Variants in DPP6 observed in about 807,000 individuals in gnomAD.
DPP6 encodes the protein dipeptidyl peptidase like 6, also known as A-type potassium channel modulatory protein DPP6.
A neutral mutation model predicts 122.6 loss-of-function variants in DPP6; 69 were observed. That is an observed-to-expected ratio of 0.56 (90% CI 0.46 to 0.69). The LOEUF (loss-of-function observed/expected upper bound fraction) is 0.69, where lower values mean the gene tolerates loss of function less well. DPP6 is among the 30% of genes least tolerant of loss of function. The pLI is 0.00. For synonymous variants in DPP6, 418 were observed against 433.1 expected, an observed-to-expected ratio of 0.97 and a Z score of 0.43; for missense variants, 928 against 1,116.9, an observed-to-expected ratio of 0.83 and a Z score of 2.41.
intron 1 of DPP6, among the ~76,000 whole-genome samples, chr7:154,232,721 T>C (rs980195340): frequency 6.6e-6 from 1 of 152,216 alleles, no homozygotes; most frequent in Non-Finnish European, 1.5e-5. Flanking sequence ...TCACACATTC[T>C]ACCTGCGGAG....
chr7:154,406,453 A>ACG, intron 1 of DPP6, among the ~76,000 whole-genome samples: 1 of 137,264 alleles, frequency 7.3e-6, no homozygotes, highest in Non-Finnish European at 1.5e-5. Context: ...ACACACGCAC[A>ACG]CATGCACATG....
At chr7:154,050,807 TTTTA>T, upstream of DPP6, among the ~76,000 whole-genome samples, 3 of 137,278 alleles carry the variant, frequency 2.2e-5, no homozygotes, top group African/African-American at 5.6e-5. Context: ...TTTAAAGTGT[TTTTA>T]AACTCATGTT....
At chr7:154,591,723 G>A (rs140742594) in intron 5 of DPP6, among the ~76,000 whole-genome samples, 2 of 152,338 alleles carry the variant, frequency 1.3e-5, no homozygotes, top group East Asian at 1.9e-4. Flanking sequence ...TGATCCAGCA[G>A]AGGAGACCAC....
At chr7:154,878,612 T>G (rs929400760) in intron 20 of DPP6, among the ~76,000 whole-genome samples, 1 of 152,104 alleles carries the variant, frequency 6.6e-6, no homozygotes, top group Non-Finnish European at 1.5e-5. Flanking sequence ...ACTCCCACAG[T>G]TCCCCCGTCC....
At chr7:153,860,140 A>C in the DPP6 span, among the ~76,000 whole-genome samples, 6 of 152,310 alleles carry the variant, frequency 3.9e-5, no homozygotes, top group East Asian at 5.8e-4. Flanking sequence ...GAACAGCCAA[A>C]GCCTGCACCA....
At chr7:154,379,779 C>A (rs181012485) in intron 1 of DPP6, among the ~76,000 whole-genome samples, 1 of 152,228 alleles carries the variant, frequency 6.6e-6, no homozygotes, top group East Asian at 1.9e-4. Flanking sequence ...GAAAATATTA[C>A]CTGTCTAATG....
chr7:154,499,127 A>G (rs1825003455), intron 3 of DPP6, among the ~76,000 whole-genome samples: 1 of 152,142 alleles, frequency 6.6e-6, no homozygotes, highest in Admixed American at 6.5e-5. Context: ...ATCTGGACAT[A>G]TTGAATCCCT....
chr7:153,950,778 G>C (rs1335723033), intron 1 of DPP6, among the ~76,000 whole-genome samples: 1 of 152,222 alleles, frequency 6.6e-6, no homozygotes, highest in African/African-American at 2.4e-5. Context: ...TGGAGATGCA[G>C]ACATGGACAT....
At chr7:154,576,429 C>A (rs1475348859) in intron 5 of DPP6, among the ~76,000 whole-genome samples, 1 of 152,134 alleles carries the variant, frequency 6.6e-6, no homozygotes, top group Admixed American at 6.5e-5. Context: ...GTGCCTTCTC[C>A]CCCTAGAACA....
chr7:153,931,680 A>C (rs2129013295), intron 1 of DPP6, among the ~76,000 whole-genome samples: 1 of 152,338 alleles, frequency 6.6e-6, no homozygotes, highest in Middle Eastern at 3.4e-3. Context: ...TGAGTACACA[A>C]ATTCCTTTTA....
chr7:154,385,874 A>AT (rs1412557690), intron 1 of DPP6, among the ~76,000 whole-genome samples: 9 of 152,182 alleles, frequency 5.9e-5, no homozygotes, highest in Non-Finnish European at 1.0e-4. Context: ...GCAGCCCCTC[A>AT]CAGCCTTTGA....
chr7:153,879,252 T>C, the DPP6 span, among the ~76,000 whole-genome samples: 1 of 152,180 alleles, frequency 6.6e-6, no homozygotes, highest in Admixed American at 6.5e-5. Context: ...TACCTGGGTC[T>C]GAGTGTTGGT....
chr7:154,497,011 G>A (rs778187465), intron 3 of DPP6, among the ~76,000 whole-genome samples: 1 of 152,080 alleles, frequency 6.6e-6, no homozygotes, highest in Non-Finnish European at 1.5e-5. Context: ...ATGTGACAGG[G>A]ACTATTTCAG....
upstream of DPP6, among the ~76,000 whole-genome samples, chr7:153,882,179 G>A (rs1389596413): frequency 6.6e-6 from 1 of 152,166 alleles, no homozygotes. Context: ...TAAAATAAAT[G>A]CCGACCCATC....
chr7:154,162,922 C>T (rs1397326289), intron 1 of DPP6, among the ~76,000 whole-genome samples: 1 of 151,770 alleles, frequency 6.6e-6, no homozygotes, highest in Non-Finnish European at 1.5e-5. Context: ...AGGAACTTGA[C>T]ACCCAGAATG....
intron 1 of DPP6, among the ~76,000 whole-genome samples, chr7:154,055,212 A>G (rs1043633199): frequency 6.9e-6 from 1 of 144,174 alleles, no homozygotes; most frequent in African/African-American, 2.6e-5. Context: ...CTGCACATAT[A>G]TATCTGGCAC....
intron 1 of DPP6, among the ~76,000 whole-genome samples, chr7:153,938,679 G>A (rs1317466112): frequency 6.6e-6 from 1 of 152,080 alleles, no homozygotes; most frequent in Admixed American, 6.5e-5. Context: ...TCTCTCACAC[G>A]GCCTCCTCTC....
intron 1 of DPP6, among the ~76,000 whole-genome samples, chr7:153,900,485 GA>G (rs1799599319): frequency 6.6e-6 from 1 of 152,204 alleles, no homozygotes; most frequent in Non-Finnish European, 1.5e-5. Context: ...ACTCATGGCA[GA>G]AGGTGGAGGG....
chr7:154,875,489 G>A lies in DPP6; in HGVS notation c.1884-417G>A, dbSNP rs974170989. On this transcript the variant is annotated intron_variant, in intron 19 of 25. Coordinates refer to ENST00000377770, the MANE Select transcript of DPP6 (RefSeq NM_130797.4). This position sits in a 1 kb window ranked among gnomAD's most constrained non-coding sequence, Gnocchi z 4.5. ...CCAGGGATGTGGCTAGAGTCAGCGC[G>A]GCCTTGTCACTTGTGATGGGTACTG... is the stretch of plus-strand genomic sequence containing the variant. Among the ~76,000 whole-genome samples, 30 of 152,190 alleles carry A rather than the reference G, an allele frequency of 2.0e-4. 1 individual carries two copies. The highest frequency in any genetic ancestry group is 6.3e-4 in the African/African-American group (26 of 41,446).
Sources: allele counts gnomAD v4.1 joint callset (sites outside exome capture counted in the v4.1 genomes callset), GRCh38; gene constraint gnomAD v4.1.1; non-coding constraint Gnocchi (gnomAD v3.1); transcripts MANE v1.5; gene names NCBI Gene and HGNC (gene_info 2026-07-23, HGNC 2026-07-21).